Variants in FRK observed in about 807,000 individuals in gnomAD.
FRK encodes tyrosine-protein kinase FRK.
Under a neutral mutation model 56.4 loss-of-function variants are expected in FRK, and 51 were observed. That is an observed-to-expected ratio of 0.90 (90% confidence interval 0.72 to 1.14). The LOEUF (loss-of-function observed/expected upper bound fraction) is 1.14. Among genes scored for constraint, FRK ranks in the 50% most tolerant of loss-of-function variants. The pLI is 0.00. For synonymous variants in FRK, 245 were observed against 217.9 expected (o/e 1.12, Z -1.10); for missense variants, 570 against 601.4 (o/e 0.95, Z 0.55).
At position 115,973,325 on chromosome 6, in the gene FRK, G is replaced by A. The variant is rs538357911; in HGVS notation, c.467-4586C>T. Among the ~76,000 whole-genome samples, 642 of 152,120 alleles carry A rather than the reference G, an allele frequency of 4.2e-3. 4 individuals carry two copies. Among genetic ancestry groups the A allele is most frequent in the Non-Finnish European group, 6.4e-3 (433 of 68,004 alleles). On this transcript the variant is annotated intron_variant, in intron 2 of 7. Transcript: ENST00000606080. ...ACACAAGAACAGAAAACCAAACACC[G>A]CATGTTCTCACTCATAAATGGGAGT...
intron 2 of FRK, among the ~76,000 whole-genome samples, chr6:115,971,519 A>T (rs1319918788): frequency 6.6e-6 from 1 of 152,196 alleles, no homozygotes; most frequent in East Asian, 1.9e-4. Flanking sequence ...AGAAAAGCAC[A>T]ACTAATAATT....
chr6:116,040,380 A>T (rs1384017269), intron 1 of FRK, among the ~76,000 whole-genome samples: 1 of 152,222 alleles, frequency 6.6e-6, no homozygotes, highest in Admixed American at 6.5e-5. Context: ...TATAAAATCT[A>T]TAATACTCAA....
chr6:115,997,395 T>C (rs1774882087), intron 2 of FRK, among the ~76,000 whole-genome samples: 1 of 151,240 alleles, frequency 6.6e-6, no homozygotes. Context: ...AATTTTATCA[T>C]AGAAAGTACT....
At chr6:115,998,804 A>C (rs1332407033) in intron 2 of FRK, among the ~76,000 whole-genome samples, 1 of 152,216 alleles carries the variant, frequency 6.6e-6, no homozygotes, top group Non-Finnish European at 1.5e-5. Context: ...GTCAACTCCT[A>C]GATGCATCAC....
At position 116,060,019 on chromosome 6, in the gene FRK, C is replaced by T; in HGVS notation, c.293G>A (p.Gly98Asp). 6.2e-7 allele frequency: 1 copy of T among 1,614,158 alleles called. No homozygotes were observed. The highest frequency in any genetic ancestry group is 8.5e-7 in the Non-Finnish European group (1 of 1,180,032). ...RRDGSSQQLQ[G>D]YIPSNYVAED... ...AGCCACGTAGTTAGAAGGAATATAG[C>T]CTTGTAGTTGCTGACTGGAGCCATC... The change falls in exon 1 of 8, where the codon GGC becomes GAC. Residue 98 changes from glycine to aspartate, a missense_variant. Physicochemically the swap from Gly to Asp is moderately conservative, Grantham distance 94. Transcript: ENST00000606080.
chr6:115,967,837 A>G (rs1488725431), intron 3 of FRK, 118 bp from the exon 4 acceptor site: 3 of 769,976 alleles, frequency 3.9e-6, no homozygotes, highest in South Asian at 4.9e-5. Flanking sequence ...AAAATATTGT[A>G]AACTGTATTA....
In FRK at chr6:116,033,770, T is replaced by C. The variant is rs1486653186; in HGVS notation, c.344+26198A>G. ...GAACAGAGAAGTAATTTTAATTTTT[T>C]GGCATTTTAATGGGGTCACTCTGCC... On this transcript the variant is annotated intron_variant, in intron 1 of 7. Coordinates refer to ENST00000606080, the MANE Select transcript of FRK (RefSeq NM_002031.3). Among the ~76,000 whole-genome samples the C allele has an allele frequency of 2.6e-5, 4 of 152,238 alleles. 1 individual carries two copies. Among genetic ancestry groups the C allele is most frequent in the East Asian group, 1.9e-4 (1 of 5,180 alleles).
chr6:115,932,066 G>T lies in FRK; in HGVS notation c.*10348C>A, dbSNP rs969233455. On this transcript the variant is annotated 3_prime_UTR_variant, in exon 8 of 8. Transcript: ENST00000606080. The stretch of plus-strand genomic sequence containing the variant: ...CAAGAAGAGTAAATGGAAATAATTG[G>T]GCATCTCTTTTCTTGTAATTTAATC... 6.6e-6 allele frequency: 1 copy of T among 152,114 alleles called. No individual in the cohort carries two copies. Among genetic ancestry groups the T allele is most frequent in the African/African-American group, 2.4e-5 (1 of 41,418 alleles). The allele number at this position is 152,114 out of a possible 1,614,324, so 9.4% of individuals were successfully genotyped here.
chr6:115,952,922 TG>T (rs1772824924), intron 5 of FRK, among the ~76,000 whole-genome samples: 1 of 73,488 alleles, frequency 1.4e-5, no homozygotes, highest in Non-Finnish European at 2.4e-5. Context: ...GGGACTGTGG[TG>T]GGGTGGGGGG....
Position 115,962,410 on chromosome 6 carries a change from C to T in FRK, c.799+5141G>A, listed in dbSNP as rs1381130584. On this transcript the variant is annotated intron_variant, in intron 4 of 7. Coordinates refer to ENST00000606080, the MANE Select transcript of FRK (RefSeq NM_002031.3). ...GATTCATAAAGCAAGTCCTGAGTGACCTACAAAGAGACTTAGACTCCCACA... is the reference window on the plus strand; with the variant it reads ...GATTCATAAAGCAAGTCCTGAGTGATCTACAAAGAGACTTAGACTCCCACA... Among the ~76,000 whole-genome samples the T allele has an allele frequency of 4.6e-4, 67 of 144,638 alleles. 1 individual carries two copies. The highest frequency in any genetic ancestry group is 1.6e-3 in the African/African-American group (62 of 38,932). 94.9% of individuals were successfully genotyped at this position (144,638 alleles called of 152,430 possible). A position where few individuals can be genotyped will look rare whatever the true frequency, so the allele number is the denominator to read the frequency against.
chr6:115,987,977 C>A (rs1774454037), intron 2 of FRK, among the ~76,000 whole-genome samples: 1 of 152,014 alleles, frequency 6.6e-6, no homozygotes, highest in South Asian at 2.1e-4. Context: ...TTACAAACAT[C>A]TGCAGGTGGT....
At chr6:116,025,049 C>A (rs1776036897) in intron 1 of FRK, among the ~76,000 whole-genome samples, 1 of 152,090 alleles carries the variant, frequency 6.6e-6, no homozygotes, top group South Asian at 2.1e-4. Flanking sequence ...TGTTTTTTGG[C>A]TGCATAAATG....
At chr6:115,956,660 T>C (rs761245233) in intron 4 of FRK, 50 bp from the exon 5 acceptor site, 3 of 1,359,348 alleles carry the variant, frequency 2.2e-6, no homozygotes, top group Admixed American at 2.5e-5. Flanking sequence ...GGCATTCCTA[T>C]CCTCACAGCA....
intron 2 of FRK, among the ~76,000 whole-genome samples, chr6:116,001,943 T>C (rs969371688): frequency 3.9e-5 from 6 of 152,214 alleles, no homozygotes; most frequent in African/African-American, 1.4e-4. Flanking sequence ...ACAGAATTTT[T>C]CAAAACAAAA....
the FRK span, among the ~76,000 whole-genome samples, chr6:116,073,459 A>T: frequency 6.6e-6 from 1 of 152,216 alleles, no homozygotes; most frequent in Non-Finnish European, 1.5e-5. Context: ...TCAGTGATTT[A>T]CAAATTCTAA....
At chr6:116,065,347 C>T (rs1410916000), upstream of FRK, among the ~76,000 whole-genome samples, 1 of 152,162 alleles carries the variant, frequency 6.6e-6, no homozygotes, top group Non-Finnish European at 1.5e-5. Context: ...TTCCCCCACA[C>T]ATAGAAAAGA....
intron 5 of FRK, among the ~76,000 whole-genome samples, chr6:115,951,356 A>G (rs551605753): frequency 9.8e-5 from 15 of 152,298 alleles, no homozygotes; most frequent in African/African-American, 3.4e-4. Flanking sequence ...GAACAACTAT[A>G]TGAAGTAAGT....
chr6:116,030,739 T>A (rs1371963375), intron 1 of FRK, among the ~76,000 whole-genome samples: 2 of 152,132 alleles, frequency 1.3e-5, no homozygotes, highest in Non-Finnish European at 2.9e-5. Context: ...CTTTACAATA[T>A]CCTTTGGAAT....
At position 116,060,794 on chromosome 6, in the gene FRK, C is replaced by G. The variant is rs1010952719; in HGVS notation, c.-483G>C. ...CTGTTTCAAGTCTGTTCCTGTCTTT[C>G]GACCAGTCCGGATCTGGACGGCTCT... On this transcript the variant is annotated 5_prime_UTR_variant, in exon 1 of 8. Coordinates refer to ENST00000606080, the MANE Select transcript of FRK (RefSeq NM_002031.3). 1 of 159,070 alleles carries G rather than the reference C, an allele frequency of 6.3e-6. No individual in the cohort carries two copies. The highest frequency in any genetic ancestry group is 1.4e-5 in the Non-Finnish European group (1 of 72,324). The allele number at this position is 159,070 out of a possible 1,614,324, so 9.9% of individuals were successfully genotyped here.
Sources: gnomAD v4.1 joint callset for allele counts (sites outside exome capture counted in the v4.1 genomes callset) on GRCh38, gnomAD v4.1.1 for gene constraint, MANE v1.5 for transcripts, NCBI Gene and HGNC (gene_info 2026-07-23, HGNC 2026-07-21) for gene names.